FAT2: variants seen among roughly 807,000 people sequenced by gnomAD.
FAT2 encodes FAT atypical cadherin 2.
FAT2 carries 150 observed loss-of-function variants against 295.3 expected under a neutral mutation model. The ratio of observed to expected loss-of-function variants is 0.51; its 90% CI spans 0.44 to 0.58. The LOEUF (loss-of-function observed/expected upper bound fraction) is 0.58, where lower values mean the gene tolerates loss of function less well. FAT2 is among the 20% of genes least tolerant of loss of function. The pLI is 0.00. For missense variants in FAT2, 4,868 were observed against 5,442.7 expected, an observed-to-expected ratio of 0.89 and a Z score of 3.32; for synonymous variants, 2,026 against 2,150.3, an observed-to-expected ratio of 0.94 and a Z score of 1.60.
Position 151,566,741 on chromosome 5 carries a change from T to G in FAT2, c.2191A>C (p.Asn731His). The change falls in exon 2 of 24, where the codon AAC becomes CAC. Residue 731 changes from asparagine to histidine, a missense_variant. Around this residue, in one of 5 missense-constraint regions of FAT2, gnomAD observed 3,297 missense variants for 3,669.4 expected, o/e 0.90. Coordinates refer to ENST00000261800, the MANE Select transcript of FAT2 (RefSeq NM_001447.3). ...GCTGCTAGGCGGGCCAAGGGGGTGTTGATAGGGACACTCTCAAGGACATCA... is the reference window on the plus strand; with the variant it reads ...GCTGCTAGGCGGGCCAAGGGGGTGTGGATAGGGACACTCTCAAGGACATCA... ...SIDVLESVPINTPLARLAATD... is the reference protein window; with the variant it reads ...SIDVLESVPIHTPLARLAATD... The G allele has an allele frequency of 6.2e-7, 1 of 1,614,146 alleles. No homozygotes were observed. Among genetic ancestry groups the G allele is most frequent in the Middle Eastern group, 1.6e-4 (1 of 6,062 alleles).
intron 9 of FAT2, among the ~76,000 whole-genome samples, chr5:151,547,895 T>C (rs1450017734): frequency 6.6e-6 from 1 of 152,230 alleles, no homozygotes; most frequent in African/African-American, 2.4e-5. Context: ...ATGTGTTGTG[T>C]TCTTTATACA....
At position 151,507,164 on chromosome 5, in the gene FAT2, G is replaced by A. The variant is rs7723266; in HGVS notation, c.12507C>T (p.Ser4169=). 0.83 allele frequency: 1,310,689 copies of A among 1,582,430 alleles called. 544,742 individuals carry two copies. The highest frequency in any genetic ancestry group is 0.99 in the East Asian group (43,953 of 44,606). ...NEPVIKRTWS[S]EEMVYPGGAM... ...TCTGGCTATACTGACCCATCTCCTC[G>A]CTGGACCAGGTTCTCTTAATGACAG... Residue 4169 remains serine, a synonymous_variant, in exon 23 of 24, where the codon AGC becomes AGT. Coordinates refer to ENST00000261800, the MANE Select transcript of FAT2 (RefSeq NM_001447.3).
Position 151,507,211 on chromosome 5 carries a change from G to T in FAT2, c.12460C>A (p.Pro4154Thr), listed in dbSNP as rs780306307. The change falls in exon 23 of 24, where the codon CCT becomes ACT. Residue 4154 changes from proline (P) to threonine (T), a missense_variant. Around this residue, in one of 5 missense-constraint regions of FAT2, gnomAD observed 492 missense variants for 482.6 expected, o/e 1.02. Transcript: ENST00000261800. ...ACAGGCTCATTGTCAGAGTGGGAAG[G>T]GACCGCAGCTGGCGGGAGTCTGGGG... ...VPPRLPPAAV[P>T]SHSDNEPVIK... 23 of 1,611,960 alleles carry T rather than the reference G, an allele frequency of 1.4e-5. No homozygotes were observed. In the Admixed American group the frequency reaches 3.7e-4, roughly 26 times the overall value.
At chr5:151,537,693 GTGAATTCC>G in intron 12 of FAT2, 92 bp downstream of exon 12, 1 of 1,206,194 alleles carries the variant, frequency 8.3e-7, no homozygotes, top group Non-Finnish European at 1.2e-6. Context: ...TGATAGATGA[GTGAATTCC>G]TGTTTCTTCT....
intron 3 of FAT2, among the ~76,000 whole-genome samples, chr5:151,560,689 T>C (rs969043577): frequency 6.6e-6 from 1 of 152,264 alleles, no homozygotes; most frequent in East Asian, 1.9e-4. Flanking sequence ...TATATCCAAA[T>C]CTTCATGCTC....
In FAT2 at chr5:151,563,649, G is replaced by A. The variant is rs202226526; in HGVS notation, c.3260-10C>T. 29 of 1,607,832 alleles carry A rather than the reference G, an allele frequency of 1.8e-5. No homozygotes were observed. The East Asian group carries it at 5.6e-4, about 31-fold the overall frequency. On this transcript the variant is annotated splice_polypyrimidine_tract_variant and intron_variant, in intron 2 of 23. Coordinates refer to ENST00000261800, the MANE Select transcript of FAT2 (RefSeq NM_001447.3). ...AGAGTCTGAATCATTCCTAGGGACA[G>A]TAAGTCAGCAAACCCAAAATACTTT...
intron 17 of FAT2, among the ~76,000 whole-genome samples, chr5:151,526,364 A>G (rs1581329324): frequency 6.6e-6 from 1 of 152,370 alleles, no homozygotes; most frequent in Non-Finnish European, 1.5e-5. Flanking sequence ...ACACTTATAA[A>G]TGATTTCTTC....
Position 151,505,483 on chromosome 5 carries a change from C to T in FAT2, c.*82G>A, listed in dbSNP as rs761825215. 3 of 1,549,398 alleles carry T rather than the reference C, an allele frequency of 1.9e-6. No homozygotes were observed. Among genetic ancestry groups the T allele is most frequent in the African/African-American group, 2.8e-5 (2 of 72,252 alleles). ...TCCCTCCCACTCTCCCAGCCACACTCAACTCACCCCCTACGAGACAGGAAG... is the reference window on the plus strand; with the variant it reads ...TCCCTCCCACTCTCCCAGCCACACTTAACTCACCCCCTACGAGACAGGAAG... On this transcript the variant is annotated 3_prime_UTR_variant, in exon 24 of 24. Coordinates refer to ENST00000261800, the MANE Select transcript of FAT2 (RefSeq NM_001447.3).
Position 151,543,794 on chromosome 5 carries a change from G to A in FAT2, c.7333C>T (p.His2445Tyr), listed in dbSNP as rs907681026. 40 of 1,614,094 alleles carry A rather than the reference G, an allele frequency of 2.5e-5. No individual in the cohort carries two copies. The Admixed American group carries it at 4.7e-4, about 19-fold the overall frequency. ...IISMFNLCKK[H>Y]LDSSYNLRVG... ...CTCAAATTGTAAGAAGAGTCCAGGT[G>A]CTTTTTGCAAAGGTTGAACATAGAA... The change falls in exon 10 of 24, where the codon CAC becomes TAC. Residue 2445 changes from histidine to tyrosine, a missense_variant. His to Tyr is a moderately conservative substitution (Grantham distance 83, BLOSUM62 2). Around this residue, in one of 5 missense-constraint regions of FAT2, gnomAD observed 3,297 missense variants for 3,669.4 expected, o/e 0.90. Coordinates refer to ENST00000261800, the MANE Select transcript of FAT2 (RefSeq NM_001447.3).
intron 4 of FAT2, 53 bp from the exon 5 acceptor site, chr5:151,554,726 C>G (rs1191167106): frequency 2.9e-6 from 4 of 1,400,666 alleles, no homozygotes; most frequent in Non-Finnish European, 3.9e-6. Flanking sequence ...AAATTAGTGA[C>G]TATGCTTTAA....
chr5:151,504,197 C>T lies in FAT2; in HGVS notation c.*1368G>A, dbSNP rs1760672847. On this transcript the variant is annotated 3_prime_UTR_variant, in exon 24 of 24. Coordinates refer to ENST00000261800, the MANE Select transcript of FAT2 (RefSeq NM_001447.3). ...CACACACAGCCACAAACCACTCACACAAATTGGCTCTCGCCCACACATCTC... is the reference window on the plus strand; with the variant it reads ...CACACACAGCCACAAACCACTCACATAAATTGGCTCTCGCCCACACATCTC... The T allele has an allele frequency of 6.5e-6, 1 of 152,802 alleles. No individual in the cohort carries two copies. The highest frequency in any genetic ancestry group is 2.4e-5 in the African/African-American group (1 of 41,466). 9.5% of individuals were successfully genotyped at this position (152,802 alleles called of 1,614,324 possible).
chr5:151,581,007 A>T (rs1758933153), intron 1 of FAT2, among the ~76,000 whole-genome samples: 1 of 152,144 alleles, frequency 6.6e-6, no homozygotes, highest in African/African-American at 2.4e-5. Flanking sequence ...TGAGCCCATC[A>T]GTCTCACGTG....
intron 18 of FAT2, among the ~76,000 whole-genome samples, chr5:151,523,085 A>G (rs1016769860): frequency 3.3e-5 from 5 of 152,062 alleles, no homozygotes; most frequent in South Asian, 2.1e-4. Context: ...GGTCTCCACA[A>G]TTTTCCCTGT....
intron 19 of FAT2, among the ~76,000 whole-genome samples, chr5:151,521,017 T>C (rs571099193): frequency 1.3e-5 from 2 of 152,388 alleles, no homozygotes; most frequent in African/African-American, 4.8e-5. Flanking sequence ...CCACAGCCTA[T>C]GCTCTTAGCC....
intron 18 of FAT2, 144 bp downstream of exon 18, chr5:151,525,624 G>A (rs1166245714): frequency 2.9e-5 from 24 of 817,784 alleles, no homozygotes; most frequent in Non-Finnish European, 4.1e-5. Context: ...TGAGGCTTTA[G>A]TCCTGAGAAG....
chr5:151,566,389 T>A lies in FAT2; in HGVS notation c.2543A>T (p.Asp848Val). ...GCGAACCCTGCCATTGTCTTCCGAG[T>A]CAGCATCTTTGGTTGTCAGCTCTGC... ...TIAELTTKDA[D>V]SEDNGRVRYT... is the part of the protein sequence containing the mutation. The change falls in exon 2 of 24, where the codon GAC becomes GTC. Residue 848 changes from aspartate to valine, a missense_variant. Asp to Val is a radical substitution (Grantham distance 152, BLOSUM62 -3). This residue lies in a region of FAT2 where 3,297 missense variants were observed against 3,669.4 expected (regional missense o/e 0.90). Coordinates refer to ENST00000261800, the MANE Select transcript of FAT2 (RefSeq NM_001447.3). 1 of 1,613,902 alleles carries A rather than the reference T, an allele frequency of 6.2e-7. No individual in the cohort carries two copies. The highest frequency in any genetic ancestry group is 8.5e-7 in the Non-Finnish European group (1 of 1,179,934).
chr5:151,593,674 T>C (rs1196451009), upstream of FAT2, among the ~76,000 whole-genome samples: 1 of 152,124 alleles, frequency 6.6e-6, no homozygotes, highest in African/African-American at 2.4e-5. Flanking sequence ...TGTGAGCACA[T>C]CCTGACCAAG....
At chr5:151,546,847 G>A (rs1360295141) in intron 9 of FAT2, among the ~76,000 whole-genome samples, 4 of 151,946 alleles carry the variant, frequency 2.6e-5, no homozygotes, top group Non-Finnish European at 5.9e-5. Flanking sequence ...GCCTCTGGTG[G>A]GATTACAGGT....
rs748991728 is a variant in FAT2 at position 151,507,560 on chromosome 5, G to A, written c.12111C>T (p.Pro4037=). 107 of 1,613,838 alleles carry A rather than the reference G, an allele frequency of 6.6e-5. No homozygotes were observed. The highest frequency in any genetic ancestry group is 8.3e-5 in the Non-Finnish European group (98 of 1,179,992). The change falls in exon 23 of 24, where the codon CCC becomes CCT. Residue 4037 remains proline, a synonymous_variant. Coordinates refer to ENST00000261800, the MANE Select transcript of FAT2 (RefSeq NM_001447.3). The stretch of plus-strand genomic sequence containing the variant: ...GCCCCCAGTCCCCCCTTTGGATCTC[G>A]GGAGTGACTAGGCAGTGTCCTTCTG... ...GCSEGHCLVT[P]EIQRGDWGQQ...
Sources: gnomAD v4.1 joint callset for allele counts (sites outside exome capture counted in the v4.1 genomes callset) on GRCh38, gnomAD v4.1.1 for gene constraint, gnomAD v4.1.1 regional missense constraint, MANE v1.5 for transcripts, NCBI Gene and HGNC (gene_info 2026-07-23, HGNC 2026-07-21) for gene names.